Variants in RIMBP2 observed in about 807,000 individuals in gnomAD.
RIMBP2 encodes the protein RIMS-binding protein 2.
A neutral mutation model predicts 118.6 loss-of-function variants in RIMBP2; 48 were observed. The observed-to-expected ratio is 0.40, with a 90% CI of 0.32 to 0.51. The LOEUF (loss-of-function observed/expected upper bound fraction) is 0.51, where lower values mean the gene tolerates loss of function less well. Ranked by LOEUF, RIMBP2 falls within the 20% of genes least tolerant of loss-of-function variation. The probability of loss-of-function intolerance (pLI) is 0.41; values close to 1 mark genes in which losing one functional copy is unlikely to be tolerated. For missense variants in RIMBP2, 1,551 were observed against 1,768.3 expected (o/e 0.88, Z 2.20); for synonymous variants, 762 against 742.9 (o/e 1.03, Z -0.42).
chr12:130,446,433 G>A lies in RIMBP2; in HGVS notation c.582-1164C>T, dbSNP rs888607156. On this transcript the variant is annotated intron_variant, in intron 9 of 22. Coordinates refer to ENST00000690449, the MANE Select transcript of RIMBP2 (RefSeq NM_001393629.1). This position sits in a 1 kb window ranked among gnomAD's most constrained non-coding sequence, Gnocchi z 4.1. ...GCCCAAAGTCACAAGCTTATGAATC[G>A]GTGGAAGGGGAACCAGAGCTGAGAC... is the stretch of plus-strand genomic sequence containing the variant. 2.0e-5 allele frequency among the ~76,000 whole-genome samples: 3 copies of A among 152,182 alleles called. No homozygotes were observed. The highest frequency in any genetic ancestry group is 7.2e-5 in the African/African-American group (3 of 41,440).
chr12:130,435,368 T>C (rs776763380), intron 13 of RIMBP2, among the ~76,000 whole-genome samples: 2 of 152,154 alleles, frequency 1.3e-5, no homozygotes, highest in Non-Finnish European at 2.9e-5. Flanking sequence ...GAGGTAACAT[T>C]TGGATACACA....
chr12:130,470,595 G>C (rs1296917855), intron 6 of RIMBP2, 98 bp downstream of exon 6: 4 of 617,442 alleles, frequency 6.5e-6, no homozygotes, highest in Non-Finnish European at 9.4e-6. Flanking sequence ...TGCACCAGGC[G>C]CACTTCATAA....
chr12:130,422,590 A>G lies in RIMBP2; in HGVS notation c.3130-29T>C. 1 of 1,501,484 alleles carries G rather than the reference A, an allele frequency of 6.7e-7. No homozygotes were observed. The highest frequency in any genetic ancestry group is 1.4e-5 in the African/African-American group (1 of 73,106). The allele number at this position is 1,501,484 out of a possible 1,614,324, so 93.0% of individuals were successfully genotyped here. On this transcript the variant is annotated intron_variant, in intron 16 of 22. Transcript: ENST00000690449. This position sits in a 1 kb window ranked among gnomAD's most constrained non-coding sequence, Gnocchi z 5.2. ...AAGACAAAACAACAACAAAGTCGTA[A>G]GTCTCGCCAGCATTGGGAACTGAAG... is the stretch of plus-strand genomic sequence containing the variant.
intron 2 of RIMBP2, among the ~76,000 whole-genome samples, chr12:130,562,011 ACT>A (rs1293836247): frequency 6.6e-6 from 1 of 152,196 alleles, no homozygotes; most frequent in Admixed American, 6.5e-5. Flanking sequence ...AAACTATCAA[ACT>A]CTGCAAAAAT....
At chr12:130,671,445 G>A (rs990182849) in intron 1 of RIMBP2, among the ~76,000 whole-genome samples, 1 of 152,084 alleles carries the variant, frequency 6.6e-6, no homozygotes, top group Non-Finnish European at 1.5e-5. Context: ...ATTATTGACT[G>A]TCTGCCTCCT....
At chr12:130,421,785 C>G (rs192748269) in intron 17 of RIMBP2, among the ~76,000 whole-genome samples, 1 of 151,372 alleles carries the variant, frequency 6.6e-6, no homozygotes, top group Admixed American at 6.6e-5. Context: ...GTGCATAATA[C>G]TTTTTGGAAT....
rs1387388502 is a variant in RIMBP2 at position 130,424,810 on chromosome 12, C to A, written c.2461G>T (p.Glu821Ter). The change falls in exon 16 of 23, where the codon GAG becomes TAG. Residue 821 changes from glutamate (E) to a stop codon, truncating the protein, a stop_gained. Coordinates refer to ENST00000690449, the MANE Select transcript of RIMBP2 (RefSeq NM_001393629.1). LOFTEE classifies it high-confidence loss of function. The surrounding 1 kb of genome is among the most constrained non-coding windows in gnomAD (Gnocchi z 9.8). ...TTCCTGTGGGGCTGGTGGGGAAACTCGGGCTGCTCCCAGAAAGTGCCTTCC... is the reference window on the plus strand; with the variant it reads ...TTCCTGTGGGGCTGGTGGGGAAACTAGGGCTGCTCCCAGAAAGTGCCTTCC... Reference protein sequence around the residue: ...TSEGTFWEQPEFPHQPHRKRL... With the variant: ...TSEGTFWEQP 2.7e-5 allele frequency: 33 copies of A among 1,232,584 alleles called. No individual in the cohort carries two copies. Among genetic ancestry groups the A allele is most frequent in the Non-Finnish European group, 3.3e-5 (33 of 988,446 alleles). 76.4% of individuals were successfully genotyped at this position (1,232,584 alleles called of 1,614,324 possible).
chr12:130,684,767 C>T (rs1335012441), intron 1 of RIMBP2, among the ~76,000 whole-genome samples: 1 of 152,192 alleles, frequency 6.6e-6, no homozygotes, highest in East Asian at 1.9e-4. Context: ...CACATCTCCC[C>T]ATGATCTTTT....
chr12:130,498,906 C>T (rs1366458530), intron 4 of RIMBP2, among the ~76,000 whole-genome samples: 2 of 152,198 alleles, frequency 1.3e-5, no homozygotes, highest in African/African-American at 4.8e-5. Context: ...CTAATCTCAG[C>T]CACTCAATTT....
Position 130,671,092 on chromosome 12 carries a change from A to G in RIMBP2, c.-351-42636T>C, listed in dbSNP as rs1254136745. ...TTCTGCTTTTCTGATAGGACAGAAA[A>G]GTAGAAGGGGCTAGATGGGGCTGGT... On this transcript the variant is annotated intron_variant, in intron 1 of 22. Transcript: ENST00000690449. 1.3e-5 allele frequency among the ~76,000 whole-genome samples: 2 copies of G among 152,182 alleles called. 1 individual carries two copies. The highest frequency in any genetic ancestry group is 2.9e-5 in the Non-Finnish European group (2 of 68,044).
intron 2 of RIMBP2, among the ~76,000 whole-genome samples, chr12:130,522,988 C>T (rs11612829): frequency 0.12 from 17,519 of 152,004 alleles, 1,351 homozygotes; most frequent in South Asian, 0.21. Flanking sequence ...CACTCTGCCT[C>T]GGTTTTAGTT....
At chr12:130,685,460 A>C (rs905746479) in intron 1 of RIMBP2, among the ~76,000 whole-genome samples, 1 of 152,228 alleles carries the variant, frequency 6.6e-6, no homozygotes, top group Non-Finnish European at 1.5e-5. Flanking sequence ...GAAGTGAAGA[A>C]GACGACTGGG....
rs33963621 is a variant in RIMBP2 at position 130,699,904 on chromosome 12, T to TAAA, written c.-352+16315_-352+16317dup. ...TGGGTGATGGTGTGAGACTCTGTCT[T>TAAA]AAAAAAAAAAAAAAAAAAAAAAAAA... On this transcript the variant is annotated intron_variant, in intron 1 of 22. Coordinates refer to ENST00000690449, the MANE Select transcript of RIMBP2 (RefSeq NM_001393629.1). 4.1e-4 allele frequency among the ~76,000 whole-genome samples: 35 copies of TAAA among 85,662 alleles called. 1 individual carries two copies. Among genetic ancestry groups the TAAA allele is most frequent in the Non-Finnish European group, 7.2e-4 (30 of 41,880 alleles). 56.2% of individuals were successfully genotyped at this position (85,662 alleles called of 152,430 possible). A position where few individuals can be genotyped will look rare whatever the true frequency, so the allele number is the denominator to read the frequency against.
intron 14 of RIMBP2, among the ~76,000 whole-genome samples, chr12:130,433,077 G>C (rs1016008634): frequency 1.4e-5 from 2 of 141,650 alleles, no homozygotes; most frequent in Admixed American, 1.3e-4. Flanking sequence ...AACAACAGGC[G>C]CTATGGGACT....
chr12:130,466,165 G>T (rs942923782), intron 6 of RIMBP2: 1 of 152,230 alleles, frequency 6.6e-6, no homozygotes, highest in African/African-American at 2.4e-5. Flanking sequence ...ACCTGTTTGA[G>T]GTGGTGGTGT....
intron 1 of RIMBP2, among the ~76,000 whole-genome samples, chr12:130,664,447 G>GCACA (rs1566439298): frequency 1.7e-4 from 21 of 122,386 alleles, no homozygotes; most frequent in African/African-American, 6.2e-4. Context: ...ACGCACACAC[G>GCACA]CACACACATG....
intron 15 of RIMBP2, 182 bp downstream of exon 15, chr12:130,427,997 A>T: frequency 3.4e-6 from 2 of 582,248 alleles, no homozygotes; most frequent in African/African-American, 3.8e-5. Context: ...CAAGAGCAAG[A>T]CAGGAGTGTA....
intron 4 of RIMBP2, among the ~76,000 whole-genome samples, chr12:130,481,954 C>T (rs1407717667): frequency 2.8e-5 from 4 of 144,498 alleles, no homozygotes; most frequent in Non-Finnish European, 1.6e-5. Context: ...CCACCACCCA[C>T]CGCCCACCAC....
intron 2 of RIMBP2, among the ~76,000 whole-genome samples, chr12:130,593,628 C>T (rs571363699): frequency 2.0e-5 from 3 of 152,304 alleles, no homozygotes; most frequent in Non-Finnish European, 2.9e-5. Context: ...AGCCATTCCA[C>T]GTCATGCATG....
Sources: allele counts gnomAD v4.1 joint callset (sites outside exome capture counted in the v4.1 genomes callset), GRCh38; gene constraint gnomAD v4.1.1; non-coding constraint Gnocchi (gnomAD v3.1); transcripts MANE v1.5; gene names NCBI Gene and HGNC (gene_info 2026-07-23, HGNC 2026-07-21).